HDGFL3: variants seen among roughly 807,000 people sequenced by gnomAD.
The protein encoded by HDGFL3 is hepatoma-derived growth factor-related protein 3.
A neutral mutation model predicts 27.6 loss-of-function variants in HDGFL3; 6 were observed. That is an observed-to-expected ratio of 0.22 (90% CI 0.12 to 0.43). The LOEUF is 0.43. Ranked by LOEUF, HDGFL3 falls within the 20% of genes least tolerant of loss-of-function variation. The probability of loss-of-function intolerance (pLI) is 1.00; values close to 1 mark genes in which losing one functional copy is unlikely to be tolerated. For synonymous variants in HDGFL3, 88 were observed against 88.9 expected (o/e 0.99, Z 0.05); for missense variants, 207 against 250.1 (o/e 0.83, Z 1.16).
At chr15:83,126,267 T>C (rs1236700089), downstream of HDGFL3, among the ~76,000 whole-genome samples, 1 of 152,124 alleles carries the variant, frequency 6.6e-6, no homozygotes, top group Non-Finnish European at 1.5e-5. Flanking sequence ...AAAAAGACTT[T>C]CCAGCAAGAG....
intron 5 of HDGFL3, among the ~76,000 whole-genome samples, chr15:83,142,294 A>G (rs1235730807): frequency 1.3e-5 from 2 of 152,246 alleles, no homozygotes; most frequent in African/African-American, 4.8e-5. Context: ...TCAATGACAG[A>G]TTGGATAAAG....
At chr15:83,148,683 T>C (rs902877231) in intron 5 of HDGFL3, among the ~76,000 whole-genome samples, 32 of 151,860 alleles carry the variant, frequency 2.1e-4, no homozygotes, top group Non-Finnish European at 4.4e-5. Flanking sequence ...TGCCCATCAA[T>C]AGGAGACTGG....
At chr15:83,197,051 T>C (rs1232274883) in intron 1 of HDGFL3, among the ~76,000 whole-genome samples, 1 of 152,250 alleles carries the variant, frequency 6.6e-6, no homozygotes, top group Non-Finnish European at 1.5e-5. Flanking sequence ...TTGTTCTGGG[T>C]TACCTGATCC....
At chr15:83,200,473 A>G (rs2037631506) in intron 1 of HDGFL3, among the ~76,000 whole-genome samples, 1 of 152,250 alleles carries the variant, frequency 6.6e-6, no homozygotes, top group Non-Finnish European at 1.5e-5. Flanking sequence ...GCTGAAAAAC[A>G]TACCTTCCAA....
intron 1 of HDGFL3, among the ~76,000 whole-genome samples, chr15:83,175,261 G>C (rs767016827): frequency 6.6e-6 from 1 of 152,170 alleles, no homozygotes; most frequent in Non-Finnish European, 1.5e-5. Context: ...ACAGAAGCCA[G>C]CCTTAACATT....
chr15:83,172,822 C>CACA (rs1257389858), intron 1 of HDGFL3, among the ~76,000 whole-genome samples: 450 of 66,758 alleles, frequency 6.7e-3, no homozygotes, highest in East Asian at 0.015. Context: ...GACTCCAGCT[C>CACA]AAAAAAAAAA....
chr15:83,190,909 C>T (rs554451110), intron 1 of HDGFL3, among the ~76,000 whole-genome samples: 11 of 152,092 alleles, frequency 7.2e-5, no homozygotes, highest in South Asian at 4.1e-4. Flanking sequence ...TATGTAGAAA[C>T]GATTTTTGTA....
chr15:83,127,635 CATTTT>C (rs2035884912), downstream of HDGFL3: 1 of 720,462 alleles, frequency 1.4e-6, no homozygotes, highest in South Asian at 1.7e-5. Flanking sequence ...TCTGCAAGTA[CATTTT>C]ATTTCAATCT....
intron 1 of HDGFL3, among the ~76,000 whole-genome samples, chr15:83,175,944 C>T (rs2037304898): frequency 6.6e-6 from 1 of 152,226 alleles, no homozygotes. Context: ...GAGACAGATT[C>T]TTAGCCACGT....
rs367933931 is a variant in HDGFL3 at position 83,128,431 on chromosome 15, A to G, written c.*10839T>C. On this transcript the variant is annotated 3_prime_UTR_variant, in exon 6 of 6. Transcript: ENST00000299633. The stretch of plus-strand genomic sequence containing the variant: ...CTGTCCTTTCCTTGAGGGGCTTAAG[A>G]AGGAAGAGAACTAACATTTATTGCT... 7.2e-5 allele frequency: 11 copies of G among 152,226 alleles called. No individual in the cohort carries two copies. The highest frequency in any genetic ancestry group is 2.7e-4 in the African/African-American group (11 of 41,450). 9.4% of individuals were successfully genotyped at this position (152,226 alleles called of 1,614,324 possible).
chr15:83,182,727 CAT>C (rs1348767058), intron 1 of HDGFL3, among the ~76,000 whole-genome samples: 2 of 152,116 alleles, frequency 1.3e-5, no homozygotes, highest in African/African-American at 2.4e-5. Flanking sequence ...AAGATCTATG[CAT>C]TCACTGTATG....
chr15:83,170,520 A>G (rs1427600829), intron 1 of HDGFL3, among the ~76,000 whole-genome samples: 2 of 152,228 alleles, frequency 1.3e-5, no homozygotes, highest in Non-Finnish European at 2.9e-5. Context: ...ACCCAAATGC[A>G]GAAGAATGAA....
At position 83,135,320 on chromosome 15, in the gene HDGFL3, T is replaced by C. The variant is rs779367488; in HGVS notation, c.*3950A>G. 1 of 152,258 alleles carries C rather than the reference T, an allele frequency of 6.6e-6. No homozygotes were observed. The highest frequency in any genetic ancestry group is 1.5e-5 in the Non-Finnish European group (1 of 68,046). The allele number at this position is 152,258 out of a possible 1,614,324, so 9.4% of individuals were successfully genotyped here. A position where few individuals can be genotyped will look rare whatever the true frequency, so the allele number is the denominator to read the frequency against. ...CTCAGCAGAATAAATTGGTTTCATA[T>C]GGAAGAAATGTAAAATAACTTATAT... On this transcript the variant is annotated 3_prime_UTR_variant, in exon 6 of 6. Coordinates refer to ENST00000299633, the MANE Select transcript of HDGFL3 (RefSeq NM_016073.4).
intron 1 of HDGFL3, among the ~76,000 whole-genome samples, chr15:83,205,486 C>T (rs555371153): frequency 1.3e-5 from 2 of 152,046 alleles, no homozygotes; most frequent in Non-Finnish European, 2.9e-5. Flanking sequence ...ATTTTATGTA[C>T]AATTAGATAT....
exon 4 of HDGFL3, chr15:83,112,747 C>T (rs1567132592): frequency 6.8e-6 from 9 of 1,320,426 alleles, no homozygotes; most frequent in Non-Finnish European, 9.9e-6. Flanking sequence ...ATTCCAGGCA[C>T]CAATGTGTTT....
chr15:83,150,126 G>A (rs943485488), intron 5 of HDGFL3, among the ~76,000 whole-genome samples: 10 of 152,138 alleles, frequency 6.6e-5, no homozygotes, highest in African/African-American at 1.9e-4. Flanking sequence ...TGAGTATTAA[G>A]GGGGTAGGAC....
At chr15:83,152,755 T>C (rs544342857) in intron 4 of HDGFL3, among the ~76,000 whole-genome samples, 1 of 151,626 alleles carries the variant, frequency 6.6e-6, no homozygotes, top group East Asian at 1.9e-4. Flanking sequence ...TTAAACTGTT[T>C]CTATTTTACT....
At chr15:83,172,528 T>A (rs371382438) in intron 1 of HDGFL3, among the ~76,000 whole-genome samples, 37 of 152,146 alleles carry the variant, frequency 2.4e-4, no homozygotes, top group African/African-American at 8.2e-4. Context: ...TAAAGTAAGC[T>A]AGAGAGTAAA....
At chr15:83,142,317 A>C (rs2036788608) in intron 5 of HDGFL3, among the ~76,000 whole-genome samples, 1 of 152,256 alleles carries the variant, frequency 6.6e-6, no homozygotes, top group South Asian at 2.1e-4. Flanking sequence ...AATGTGGTAC[A>C]TATATACCAT....
Sources: gnomAD v4.1 joint callset for allele counts (sites outside exome capture counted in the v4.1 genomes callset) on GRCh38, gnomAD v4.1.1 for gene constraint, MANE v1.5 for transcripts, NCBI Gene and HGNC (gene_info 2026-07-23, HGNC 2026-07-21) for gene names.